Variants in DAB2 observed in about 807,000 individuals in gnomAD.
DAB2 encodes disabled homolog 2.
A neutral mutation model predicts 71.6 loss-of-function variants in DAB2; 28 were observed. The observed-to-expected ratio is 0.39, with a 90% CI of 0.29 to 0.54. The LOEUF is 0.54. Among genes scored for constraint, DAB2 ranks in the 20% least tolerant of loss-of-function variants. The pLI, the probability that DAB2 is intolerant of heterozygous loss-of-function variation, is 0.68. For synonymous variants in DAB2, 345 were observed against 339.7 expected, an observed-to-expected ratio of 1.02 and a Z score of -0.17; for missense variants, 867 against 928.8, an observed-to-expected ratio of 0.93 and a Z score of 0.86.
intron 1 of DAB2, among the ~76,000 whole-genome samples, chr5:39,403,635 T>G (rs1178481057): frequency 1.3e-5 from 2 of 152,156 alleles, no homozygotes; most frequent in African/African-American, 4.8e-5. Context: ...GGTCTGAGAC[T>G]TGCAGATCAA....
chr5:39,394,108 T>G, intron 2 of DAB2, 122 bp downstream of exon 2: 239 of 745,712 alleles, frequency 3.2e-4, no homozygotes, highest in Non-Finnish European at 4.4e-4. Flanking sequence ...TAGGAGAACA[T>G]GAGACTAAGC....
intron 10 of DAB2, among the ~76,000 whole-genome samples, chr5:39,382,036 G>A (rs1029123230): frequency 1.3e-5 from 2 of 152,188 alleles, no homozygotes; most frequent in African/African-American, 4.8e-5. Flanking sequence ...ATCCAGGCAA[G>A]CCTGTATATT....
chr5:39,391,269 AG>A (rs1302425147), intron 4 of DAB2, among the ~76,000 whole-genome samples: 1 of 152,082 alleles, frequency 6.6e-6, no homozygotes. Context: ...GCAGTTAACA[AG>A]GTTGAACTCT....
In DAB2 at chr5:39,371,719, T is replaced by C. The variant is rs990368946; in HGVS notation, c.*1712A>G. On this transcript the variant is annotated 3_prime_UTR_variant, in exon 15 of 15. Coordinates refer to ENST00000320816, the MANE Select transcript of DAB2 (RefSeq NM_001343.4). ...TTATTGAAATGAGTAAATTTATAGCTTTATTTGCATACAGAAAAGTGCATG... is the reference window on the plus strand; with the variant it reads ...TTATTGAAATGAGTAAATTTATAGCCTTATTTGCATACAGAAAAGTGCATG... 6 of 152,218 alleles carry C rather than the reference T, an allele frequency of 3.9e-5. No homozygotes were observed. Among genetic ancestry groups the C allele is most frequent in the African/African-American group, 1.4e-4 (6 of 41,460 alleles). 9.4% of individuals were successfully genotyped at this position (152,218 alleles called of 1,614,324 possible).
chr5:39,409,491 A>G (rs990380449), intron 1 of DAB2, among the ~76,000 whole-genome samples: 1 of 152,328 alleles, frequency 6.6e-6, no homozygotes, highest in Middle Eastern at 3.4e-3. Flanking sequence ...AATACAATAA[A>G]ACACCGACTT....
chr5:39,384,013 T>G (rs2738236), intron 9 of DAB2, among the ~76,000 whole-genome samples: 1 of 152,202 alleles, frequency 6.6e-6, no homozygotes, highest in African/African-American at 2.4e-5. Context: ...ACCCTTTTTG[T>G]CTATGTCCTC....
chr5:39,416,110 C>G (rs1755840488), intron 1 of DAB2, among the ~76,000 whole-genome samples: 1 of 151,990 alleles, frequency 6.6e-6, no homozygotes, highest in Non-Finnish European at 1.5e-5. Context: ...GCCTCACCGC[C>G]ACCCTGAGTT....
intron 1 of DAB2, among the ~76,000 whole-genome samples, chr5:39,416,182 A>G (rs1042611091): frequency 6.6e-6 from 1 of 151,980 alleles, no homozygotes; most frequent in Non-Finnish European, 1.5e-5. Flanking sequence ...TAGCGGACTT[A>G]TATTATGGTG....
intron 11 of DAB2, among the ~76,000 whole-genome samples, chr5:39,381,022 A>G (rs1409237866): frequency 1.3e-5 from 2 of 152,144 alleles, no homozygotes; most frequent in Admixed American, 1.3e-4. Flanking sequence ...CTTCTTGGGC[A>G]TATATTCCTT....
intron 1 of DAB2, among the ~76,000 whole-genome samples, chr5:39,403,770 C>A (rs1258487485): frequency 6.8e-6 from 1 of 146,074 alleles, no homozygotes; most frequent in Non-Finnish European, 1.5e-5. Context: ...GAATTGGCAA[C>A]TTTCAATACT....
chr5:39,383,140 G>A lies in DAB2; in HGVS notation c.819C>T (p.Ser273=). ...CSLPRPTPQA[S]FLPENAFSAN... ...CAGAAAAGGCATTTTCAGGCAAGAA[G>A]GATGCCTGAGGCGTTGGTCGAGGAA... The change falls in exon 10 of 15, where the codon TCC becomes TCT. Residue 273 remains serine, a synonymous_variant. Transcript: ENST00000320816. 1 of 1,614,168 alleles carries A rather than the reference G, an allele frequency of 6.2e-7. No homozygotes were observed. Among genetic ancestry groups the A allele is most frequent in the Non-Finnish European group, 8.5e-7 (1 of 1,180,014 alleles).
intron 1 of DAB2, among the ~76,000 whole-genome samples, chr5:39,399,642 T>C (rs1324966560): frequency 6.6e-6 from 1 of 152,218 alleles, no homozygotes; most frequent in African/African-American, 2.4e-5. Context: ...ATCAGATGAC[T>C]GCAAGAGATT....
intron 5 of DAB2, 83 bp from the exon 6 acceptor site, chr5:39,390,015 T>C: frequency 9.5e-7 from 1 of 1,053,970 alleles, no homozygotes; most frequent in Non-Finnish European, 1.3e-6. Context: ...TAATTCATAC[T>C]GGGATTTTTT....
In DAB2 at chr5:39,377,291, A is replaced by C. The variant is rs1285471386; in HGVS notation, c.1505-9T>G. On this transcript the variant is annotated splice_polypyrimidine_tract_variant and intron_variant, in intron 11 of 14. Transcript: ENST00000320816. ...TGTGACAGTTACACCACCTGAAGTA[A>C]GAGGAAGAAAAATACTTATCAGGAG... The C allele has an allele frequency of 1.2e-6, 2 of 1,601,622 alleles. No individual in the cohort carries two copies. Among genetic ancestry groups the C allele is most frequent in the Non-Finnish European group, 1.7e-6 (2 of 1,173,746 alleles).
rs1754745095 is a variant in DAB2 at position 39,373,321 on chromosome 5, A to C, written c.*110T>G. 6.6e-6 allele frequency: 1 copy of C among 152,522 alleles called. No individual in the cohort carries two copies. Among genetic ancestry groups the C allele is most frequent in the African/African-American group, 2.4e-5 (1 of 41,434 alleles). 9.4% of individuals were successfully genotyped at this position (152,522 alleles called of 1,614,324 possible). A position where few individuals can be genotyped will look rare whatever the true frequency, so the allele number is the denominator to read the frequency against. On this transcript the variant is annotated 3_prime_UTR_variant, in exon 15 of 15. Transcript: ENST00000320816. ...AAATAAGGCAACAGATAATACGTCAAAGCTGGAACAAGGGCAGAAATCAGA... is the reference window on the plus strand; with the variant it reads ...AAATAAGGCAACAGATAATACGTCACAGCTGGAACAAGGGCAGAAATCAGA...
Position 39,376,776 on chromosome 5 carries a change from C to T in DAB2, c.2011G>A (p.Gly671Arg). 6.2e-7 allele frequency: 1 copy of T among 1,614,160 alleles called. No individual in the cohort carries two copies. The highest frequency in any genetic ancestry group is 1.1e-5 in the South Asian group (1 of 91,086). ...RQPPAVPARK[G>R]EQTSSGTLSA... ...AAAGTCCCAGAAGAAGTCTGCTCTC[C>T]CTTCCGCGCGGGCACAGCAGGTGGC... The change falls in exon 12 of 15, where the codon GGA becomes AGA. Residue 671 changes from glycine to arginine, a missense_variant. Gly to Arg is a moderately radical substitution (Grantham distance 125). Coordinates refer to ENST00000320816, the MANE Select transcript of DAB2 (RefSeq NM_001343.4).
intron 9 of DAB2, chr5:39,387,721 T>G (rs1160453691): frequency 6.8e-6 from 1 of 146,646 alleles, no homozygotes; most frequent in Non-Finnish European, 1.5e-5. Flanking sequence ...TGAACCACCA[T>G]TTTTTTTTAA....
chr5:39,419,464 T>C (rs1262390777), intron 1 of DAB2, among the ~76,000 whole-genome samples: 1 of 152,206 alleles, frequency 6.6e-6, no homozygotes, highest in African/African-American at 2.4e-5. Context: ...AATAGAGATA[T>C]CTTTTCTATT....
In DAB2 at chr5:39,383,351, A is replaced by G. The variant is rs1054855437; in HGVS notation, c.688-80T>C. On this transcript the variant is annotated intron_variant, in intron 9 of 14. Transcript: ENST00000320816. The stretch of plus-strand genomic sequence containing the variant: ...AATGAGAAAATTACATAAGATGACT[A>G]GGATTATCAGAATTTCCATTTGAAT... 6 of 1,127,830 alleles carry G rather than the reference A, an allele frequency of 5.3e-6. No homozygotes were observed. The African/African-American group carries it at 7.8e-5, about 15-fold the overall frequency. The allele number at this position is 1,127,830 out of a possible 1,614,324, so 69.9% of individuals were successfully genotyped here. A position where few individuals can be genotyped will look rare whatever the true frequency, so the allele number is the denominator to read the frequency against.
Sources: gnomAD v4.1 joint callset for allele counts (sites outside exome capture counted in the v4.1 genomes callset) on GRCh38, gnomAD v4.1.1 for gene constraint, MANE v1.5 for transcripts, NCBI Gene and HGNC (gene_info 2026-07-23, HGNC 2026-07-21) for gene names.